Variants in ROBO2 observed in about 807,000 individuals in gnomAD.
The protein encoded by ROBO2 is roundabout homolog 2.
In ROBO2, 53 loss-of-function variants were observed where a neutral mutation model predicts 160.8. The ratio of observed to expected loss-of-function variants is 0.33; its 90% CI spans 0.26 to 0.41. The LOEUF is 0.41. Ranked by LOEUF, ROBO2 falls within the 10% of genes least tolerant of loss-of-function variation. The pLI, the probability that ROBO2 is intolerant of heterozygous loss-of-function variation, is 1.00. For synonymous variants in ROBO2, 664 were observed against 611.7 expected (o/e 1.09, Z -1.26); for missense variants, 1,577 against 1,722.4 (o/e 0.92, Z 1.49).
intron 2 of ROBO2, among the ~76,000 whole-genome samples, chr3:76,926,738 C>T (rs1217915572): frequency 2.0e-5 from 3 of 152,102 alleles, no homozygotes; most frequent in Non-Finnish European, 2.9e-5. Context: ...TTAAAAATGT[C>T]AATAGTGTGA....
chr3:76,933,863 A>C (rs2077510202), intron 2 of ROBO2, among the ~76,000 whole-genome samples: 1 of 152,196 alleles, frequency 6.6e-6, no homozygotes, highest in South Asian at 2.1e-4. Context: ...GACATCAGCT[A>C]TCATTTGTGT....
At chr3:76,993,767 T>G (rs1172769512) in intron 2 of ROBO2, among the ~76,000 whole-genome samples, 1 of 152,162 alleles carries the variant, frequency 6.6e-6, no homozygotes, top group African/African-American at 2.4e-5. Flanking sequence ...ATGGGAGTTA[T>G]GTGTTTTCAG....
chr3:76,528,374 G>C (rs2082052047), intron 2 of ROBO2, among the ~76,000 whole-genome samples: 1 of 151,910 alleles, frequency 6.6e-6, no homozygotes, highest in Non-Finnish European at 1.5e-5. Flanking sequence ...GGAGAAGGTG[G>C]GTAGAATTGA....
chr3:77,400,751 C>T (rs2075722566), intron 2 of ROBO2, among the ~76,000 whole-genome samples: 1 of 152,078 alleles, frequency 6.6e-6, no homozygotes, highest in South Asian at 2.1e-4. Context: ...AGTTAATTCT[C>T]ACATCTACTC....
chr3:77,564,372 T>C (rs2093420730), intron 11 of ROBO2: 1 of 439,746 alleles, frequency 2.3e-6, no homozygotes, highest in Admixed American at 2.5e-5. Context: ...GAAATCACAA[T>C]ACTGTATAAT....
intron 24 of ROBO2, among the ~76,000 whole-genome samples, chr3:77,635,689 C>T (rs766390541): frequency 7.9e-5 from 12 of 152,086 alleles, no homozygotes; most frequent in African/African-American, 2.2e-4. Flanking sequence ...CTATAACATT[C>T]GGTACAGAAA....
chr3:76,763,855 C>A (rs1017298140), intron 2 of ROBO2, among the ~76,000 whole-genome samples: 2 of 151,760 alleles, frequency 1.3e-5, no homozygotes, highest in Non-Finnish European at 3.0e-5. Context: ...GGCTCTATTG[C>A]ATTGAGCCTG....
At chr3:76,391,622 A>G (rs1247873540) in intron 2 of ROBO2, among the ~76,000 whole-genome samples, 2 of 151,992 alleles carry the variant, frequency 1.3e-5, no homozygotes, top group Non-Finnish European at 2.9e-5. Context: ...CCCAGGTACA[A>G]GCAATTCTCC....
At chr3:77,524,220 A>G (rs1260405616) in intron 6 of ROBO2, among the ~76,000 whole-genome samples, 2 of 151,240 alleles carry the variant, frequency 1.3e-5, no homozygotes, top group Non-Finnish European at 3.0e-5. Flanking sequence ...CTAGTTGCAT[A>G]AAAACATTTT....
intron 2 of ROBO2, among the ~76,000 whole-genome samples, chr3:77,242,913 G>A (rs1465317121): frequency 6.6e-6 from 1 of 151,342 alleles, no homozygotes; most frequent in African/African-American, 2.4e-5. Context: ...AATTAAATGA[G>A]AGCGGTAACA....
In ROBO2 at chr3:76,753,021, A is replaced by C. The variant is rs374681266; in HGVS notation, c.110-344993A>C. Among the ~76,000 whole-genome samples the C allele has an allele frequency of 2.8e-4, 42 of 152,052 alleles. 1 individual carries two copies. The highest frequency in any genetic ancestry group is 6.8e-3 in the Middle Eastern group (2 of 294). ...TTTATCATTTGGATATTAATTCAAAAGAGTTAAGTAAGACATTTCTGGTAT... is the reference window on the plus strand; with the variant it reads ...TTTATCATTTGGATATTAATTCAAACGAGTTAAGTAAGACATTTCTGGTAT... On this transcript the variant is annotated intron_variant, in intron 2 of 26. Transcript: ENST00000487694.
chr3:76,368,352 A>G (rs1265894700), intron 2 of ROBO2, among the ~76,000 whole-genome samples: 1 of 152,022 alleles, frequency 6.6e-6, no homozygotes, highest in Non-Finnish European at 1.5e-5. Context: ...ACTATTTATC[A>G]TAGTTCATGA....
At chr3:77,190,280 A>G (rs1369576430) in intron 2 of ROBO2, among the ~76,000 whole-genome samples, 1 of 152,012 alleles carries the variant, frequency 6.6e-6, no homozygotes, top group African/African-American at 2.4e-5. Context: ...AGAAAATTCT[A>G]GCTGTGCTCA....
rs556213661 is a variant in ROBO2, at chr3:76,532,284, A to G, written c.110-565730A>G. Among the ~76,000 whole-genome samples the G allele has an allele frequency of 1.8e-4, 28 of 152,284 alleles. No individual in the cohort carries two copies. In the South Asian group the frequency reaches 5.4e-3, roughly 29 times the overall value. ...AATTAGTGAAAAACTCAAAGCATAA[A>G]ACTCTGACCTTTCCAGTTGAGTTAT... is the stretch of plus-strand genomic sequence containing the variant. On this transcript the variant is annotated intron_variant, in intron 2 of 26. Coordinates refer to the ROBO2 transcript ENST00000487694.
chr3:77,600,138 A>G (rs2153691231), intron 19 of ROBO2, among the ~76,000 whole-genome samples: 1 of 152,290 alleles, frequency 6.6e-6, no homozygotes, highest in Middle Eastern at 3.4e-3. Flanking sequence ...ATGGAAATGG[A>G]AAAAAGACCT....
chr3:75,919,538 A>G (rs1172792896), intron 1 of ROBO2, among the ~76,000 whole-genome samples: 6 of 152,166 alleles, frequency 3.9e-5, no homozygotes, highest in Non-Finnish European at 7.3e-5. Flanking sequence ...AATCAGAATG[A>G]TGCTGGCCTC....
At chr3:76,484,646 C>G (rs2079392301) in intron 2 of ROBO2, among the ~76,000 whole-genome samples, 1 of 152,040 alleles carries the variant, frequency 6.6e-6, no homozygotes, top group Non-Finnish European at 1.5e-5. Context: ...AGCTGCAGTG[C>G]CAAGGAACTG....
intron 2 of ROBO2, among the ~76,000 whole-genome samples, chr3:77,409,131 A>G (rs1415819357): frequency 6.9e-6 from 1 of 144,952 alleles, no homozygotes; most frequent in Non-Finnish European, 1.5e-5. Context: ...ATAGTCTTTT[A>G]CTGAGGTTAA....
At chr3:77,507,447 G>A (rs537873098) in intron 5 of ROBO2, among the ~76,000 whole-genome samples, 2 of 152,268 alleles carry the variant, frequency 1.3e-5, no homozygotes, top group South Asian at 2.1e-4. Flanking sequence ...TGAATTGGCT[G>A]TCTCTTATCA....
Sources: gnomAD v4.1 joint callset for allele counts (sites outside exome capture counted in the v4.1 genomes callset) on GRCh38, gnomAD v4.1.1 for gene constraint, MANE v1.5 for transcripts, NCBI Gene and HGNC (gene_info 2026-07-23, HGNC 2026-07-21) for gene names.